EPG5: variants seen among roughly 807,000 people sequenced by gnomAD.
EPG5 encodes ectopic P-granules 5 autophagy tethering factor.
A neutral mutation model predicts 302.7 loss-of-function variants in EPG5; 159 were observed. That is an observed-to-expected ratio of 0.53 (90% CI 0.46 to 0.60). The LOEUF (loss-of-function observed/expected upper bound fraction) is 0.60, where lower values mean the gene tolerates loss of function less well. EPG5 is among the 20% of genes least tolerant of loss of function. EPG5 has a pLI of 0.00. For missense variants in EPG5, 2,896 were observed against 3,092.4 expected, an observed-to-expected ratio of 0.94 and a Z score of 1.51; for synonymous variants, 1,158 against 1,136.8, an observed-to-expected ratio of 1.02 and a Z score of -0.37.
rs773088550 is a variant in EPG5, at chr18:45,912,450, G to C, written c.3823C>G (p.Gln1275Glu). Reference sequence around the variant, plus strand: ...ACGATGGGGAGCTTCAGCTGGGTCTGGGCTTTCTACAAAAAAGAAAGGGCT... The same window carrying C: ...ACGATGGGGAGCTTCAGCTGGGTCTCGGCTTTCTACAAAAAAGAAAGGGCT... Reference protein sequence around the residue: ...FTPDQALKKAQTQLKLPIVPS... With the variant: ...FTPDQALKKAETQLKLPIVPS... The change falls in exon 22 of 44, where the codon CAG (glutamine) becomes GAG (glutamate). Residue 1275 changes from glutamine to glutamate, a missense_variant. Coordinates refer to ENST00000282041, the MANE Select transcript of EPG5 (RefSeq NM_020964.3). The C allele has an allele frequency of 1.9e-6, 3 of 1,591,932 alleles. No homozygotes were observed.
In EPG5 at chr18:45,916,529, C is replaced by T; in HGVS notation, c.3293G>A (p.Gly1098Asp). ...CTTGTGGGTGACCTGTTGTGTGACACCCTGAGGGACACCGCTGTCCAAGTG... is the reference window on the plus strand; with the variant it reads ...CTTGTGGGTGACCTGTTGTGTGACATCCTGAGGGACACCGCTGTCCAAGTG... ...FLHLDSGVPQGVTQQVTHKVA... is the reference protein window; with the variant it reads ...FLHLDSGVPQDVTQQVTHKVA... The change falls in exon 18 of 44, where the codon GGT (glycine) becomes GAT (aspartate). Residue 1098 changes from glycine (G) to aspartate (D), a missense_variant. Transcript: ENST00000282041. 4 of 1,612,782 alleles carry T rather than the reference C, an allele frequency of 2.5e-6. No individual in the cohort carries two copies. Among genetic ancestry groups the T allele is most frequent in the Non-Finnish European group, 3.4e-6 (4 of 1,178,886 alleles).
intron 27 of EPG5, among the ~76,000 whole-genome samples, chr18:45,896,681 A>G (rs2049484463): frequency 6.6e-6 from 1 of 152,138 alleles, no homozygotes; most frequent in African/African-American, 2.4e-5. Context: ...AGTAGCTTGG[A>G]CCACAGGCGT....
At chr18:45,941,890 T>C (rs2050674382) in intron 9 of EPG5, among the ~76,000 whole-genome samples, 1 of 152,204 alleles carries the variant, frequency 6.6e-6, no homozygotes, top group Admixed American at 6.5e-5. Flanking sequence ...CACTGTCTCA[T>C]TCTCCTAACT....
chr18:45,964,690 G>A (rs964606518), intron 1 of EPG5, among the ~76,000 whole-genome samples: 5 of 152,120 alleles, frequency 3.3e-5, no homozygotes, highest in African/African-American at 9.7e-5. Flanking sequence ...TTTCTGAGCC[G>A]GGTGTGGTGG....
chr18:45,944,103 G>A lies in EPG5; in HGVS notation c.1694C>T (p.Thr565Ile), dbSNP rs750054758. ...ATCTTCATTAAGGAGAATCCAACTG[G>A]TCTCAGGGTCTTCATCCTAAGGGAA... ...EGGEEDEDPE[T>I]SWILLNEDDL... Residue 565 changes from threonine (T) to isoleucine (I), a missense_variant, in exon 8 of 44, where the codon ACC becomes ATC. Coordinates refer to ENST00000282041, the MANE Select transcript of EPG5 (RefSeq NM_020964.3). 6.2e-6 allele frequency: 10 copies of A among 1,611,252 alleles called. No individual in the cohort carries two copies. In the Admixed American group the frequency reaches 1.7e-4, roughly 27 times the overall value.
At chr18:45,823,562 C>T in the EPG5 span, among the ~76,000 whole-genome samples, 1 of 152,190 alleles carries the variant, frequency 6.6e-6, no homozygotes, top group Non-Finnish European at 1.5e-5. Flanking sequence ...CGGCAACCCT[C>T]GGCCATTTAC....
Position 45,882,985 on chromosome 18 carries a change from C to A in EPG5, c.5305-498G>T, listed in dbSNP as rs976201685. On this transcript the variant is annotated intron_variant, in intron 30 of 43. Transcript: ENST00000282041. ...TCACGCCATTGCACTCCAGCCTGGGCAACAAGAGCGAAACTGCGTCTCACA... is the reference window on the plus strand; with the variant it reads ...TCACGCCATTGCACTCCAGCCTGGGAAACAAGAGCGAAACTGCGTCTCACA... Among the ~76,000 whole-genome samples, 7 of 126,962 alleles carry A rather than the reference C, an allele frequency of 5.5e-5. No individual in the cohort carries two copies. The East Asian group carries it at 1.1e-3, about 21-fold the overall frequency. The allele number at this position is 126,962 out of a possible 152,430, so 83.3% of individuals were successfully genotyped here.
chr18:45,846,909 A>C (rs1005372429), downstream of EPG5, among the ~76,000 whole-genome samples: 6 of 152,338 alleles, frequency 3.9e-5, no homozygotes, highest in African/African-American at 1.4e-4. Flanking sequence ...TTTCGGAGAA[A>C]GATCGTTTCT....
the EPG5 span, among the ~76,000 whole-genome samples, chr18:45,808,184 A>C: frequency 6.6e-6 from 1 of 152,172 alleles, no homozygotes; most frequent in Non-Finnish European, 1.5e-5. Flanking sequence ...AAGACAAAGA[A>C]AAAAGATAAG....
chr18:45,903,931 T>C (rs190437195), intron 25 of EPG5, 42 bp downstream of exon 25: 4 of 1,571,404 alleles, frequency 2.5e-6, no homozygotes, highest in East Asian at 2.3e-5. Context: ...GATTCAATCA[T>C]TCATTCACTC....
intron 22 of EPG5, among the ~76,000 whole-genome samples, chr18:45,911,045 G>A (rs1201612467): frequency 4.0e-5 from 6 of 150,014 alleles, no homozygotes; most frequent in African/African-American, 1.2e-4. Context: ...AAACAGAAGC[G>A]ACTAAGAATC....
chr18:45,825,380 T>A, the EPG5 span: 1 of 357,280 alleles, frequency 2.8e-6, no homozygotes, highest in Non-Finnish European at 5.3e-6. Context: ...GTGAGCCACA[T>A]ATAAACAGCA....
At chr18:45,883,119 T>C (rs1272468444) in intron 30 of EPG5, among the ~76,000 whole-genome samples, 1 of 152,180 alleles carries the variant, frequency 6.6e-6, no homozygotes, top group African/African-American at 2.4e-5. Flanking sequence ...TCTGTGTGCT[T>C]TTCTTGCAAT....
Position 45,935,184 on chromosome 18 carries a change from A to ATG in EPG5, c.2100-220_2100-219dup, listed in dbSNP as rs138744039. On this transcript the variant is annotated intron_variant, in intron 10 of 43. Coordinates refer to ENST00000282041, the MANE Select transcript of EPG5 (RefSeq NM_020964.3). ...CTGTTCTAACCACAACAATGTGTGC[A>ATG]TGTGTGTGTGTATACATGTATGTAC... is the stretch of plus-strand genomic sequence containing the variant. Among the ~76,000 whole-genome samples, 77 of 152,262 alleles carry ATG rather than the reference A, an allele frequency of 5.1e-4. No individual in the cohort carries two copies. In the East Asian group the frequency reaches 0.01, roughly 20 times the overall value.
At chr18:45,885,061 G>A (rs1003083543) in intron 29 of EPG5, among the ~76,000 whole-genome samples, 4 of 152,118 alleles carry the variant, frequency 2.6e-5, no homozygotes, top group African/African-American at 7.2e-5. Context: ...GAGTTAGTCC[G>A]GGTGCAGTTG....
At chr18:45,946,631 T>C (rs769336596) in intron 7 of EPG5, 32 bp downstream of exon 7, 2 of 1,500,470 alleles carry the variant, frequency 1.3e-6, no homozygotes, top group Non-Finnish European at 1.9e-6. Context: ...TTCACAATGA[T>C]TCATCAAAAT....
rs138824305 is a variant in EPG5, at chr18:45,848,525, C to G, written c.*3942G>C. The G allele has an allele frequency of 6.6e-6, 1 of 152,362 alleles. No homozygotes were observed. Among genetic ancestry groups the G allele is most frequent in the Non-Finnish European group, 1.5e-5 (1 of 68,050 alleles). 9.4% of individuals were successfully genotyped at this position (152,362 alleles called of 1,614,324 possible). On this transcript the variant is annotated 3_prime_UTR_variant, in exon 44 of 44. Transcript: ENST00000282041. ...TAGGGAGATAATTATGCCACTTGGA[C>G]CACACTGGTGCGACTCTAACCCCAG...
At chr18:45,870,775 CT>C in intron 35 of EPG5, 33 bp from the exon 36 acceptor site, 1 of 1,380,892 alleles carries the variant, frequency 7.2e-7, no homozygotes. Context: ...AGCTGAAGAC[CT>C]TTGGTTTACC....
At chr18:45,910,388 T>TCAA in intron 23 of EPG5, 133 bp downstream of exon 23, 1 of 647,774 alleles carries the variant, frequency 1.5e-6, no homozygotes, top group Non-Finnish European at 2.6e-6. Context: ...CAAATCTATA[T>TCAA]CAAAGCCACC....
Sources: allele counts gnomAD v4.1 joint callset (sites outside exome capture counted in the v4.1 genomes callset), GRCh38; gene constraint gnomAD v4.1.1; transcripts MANE v1.5; gene names NCBI Gene and HGNC (gene_info 2026-07-23, HGNC 2026-07-21).